Variants in MARK2 observed in about 807,000 individuals in gnomAD.
MARK2 encodes the protein serine/threonine-protein kinase MARK2.
Under a neutral mutation model 89.8 loss-of-function variants are expected in MARK2, and 16 were observed. That is an observed-to-expected ratio of 0.18 (90% CI 0.12 to 0.27). The LOEUF is 0.27. Among genes scored for constraint, MARK2 ranks in the 10% least tolerant of loss-of-function variants. The probability of loss-of-function intolerance (pLI) is 1.00; values close to 1 mark genes in which losing one functional copy is unlikely to be tolerated. For missense variants in MARK2, 621 were observed against 1,049.9 expected (o/e 0.59, Z 5.65); for synonymous variants, 382 against 399.5 (o/e 0.96, Z 0.52).
At chr11:63,849,063 G>C (rs1461037105) in intron 1 of MARK2, among the ~76,000 whole-genome samples, 1 of 152,036 alleles carries the variant, frequency 6.6e-6, no homozygotes, top group African/African-American at 2.4e-5. Context: ...AGTATGCAGT[G>C]GTGTGATCAT....
rs1378689760 is a variant in MARK2 at position 63,904,887 on chromosome 11, G to T, written c.1778G>T (p.Ser593Ile). 1 of 1,614,232 alleles carries T rather than the reference G, an allele frequency of 6.2e-7. No individual in the cohort carries two copies. Among genetic ancestry groups the T allele is most frequent in the Non-Finnish European group, 8.5e-7 (1 of 1,180,040 alleles). ...DRTNFPRGVS[S>I]RSTFHAGQLR... The stretch of plus-strand genomic sequence containing the variant: ...ACTAACTTCCCCCGGGGTGTGTCCA[G>T]CCGAAGCACCTTCCATGCTGGGCAG... The change falls in exon 16 of 19, where the codon AGC becomes ATC. Residue 593 changes from serine to isoleucine, a missense_variant. By Grantham distance (142) the Ser-to-Ile change is moderately radical (BLOSUM62 -2). Around this residue, in one of 5 missense-constraint regions of MARK2, gnomAD observed 397 missense variants for 567.8 expected, o/e 0.70. Transcript: ENST00000402010. This position sits in a 1 kb window ranked among gnomAD's most constrained non-coding sequence, Gnocchi z 6.3.
intron 1 of MARK2, among the ~76,000 whole-genome samples, chr11:63,846,904 C>A (rs1161221482): frequency 6.6e-6 from 1 of 152,206 alleles, no homozygotes; most frequent in Non-Finnish European, 1.5e-5. Flanking sequence ...GATCCACCCA[C>A]CTCGGCCTCC....
chr11:63,867,901 A>G (rs1433113377), intron 1 of MARK2, among the ~76,000 whole-genome samples: 2 of 152,156 alleles, frequency 1.3e-5, no homozygotes, highest in Non-Finnish European at 2.9e-5. Context: ...TAGGCTGACC[A>G]TAACTTCAGT....
intron 1 of MARK2, among the ~76,000 whole-genome samples, chr11:63,860,068 A>C (rs150591312): frequency 7.6e-4 from 116 of 152,328 alleles, no homozygotes; most frequent in Non-Finnish European, 1.5e-3. Context: ...ACAAGTCCTT[A>C]AGTGACAGGG....
chr11:63,906,977 C>A (rs1941392106), intron 17 of MARK2, among the ~76,000 whole-genome samples: 2 of 152,182 alleles, frequency 1.3e-5, no homozygotes, highest in Admixed American at 1.3e-4. Context: ...CGTAGCAAAA[C>A]AACAGGAGAT....
In MARK2 at chr11:63,909,709, CTCCCGTCAGG is replaced by C. The variant is rs1941627641; in HGVS notation, c.*473_*482del. ...ACACTCTCAGGCAAGAGTGGTGGAGCTCCCGTCAGGCCCTCCGCCAGGCCCACTGTGGGCT... is the reference window on the plus strand; with the variant it reads ...ACACTCTCAGGCAAGAGTGGTGGAGCCCCTCCGCCAGGCCCACTGTGGGCT... On this transcript the variant is annotated 3_prime_UTR_variant, in exon 19 of 19. Transcript: ENST00000402010. The C allele has an allele frequency of 6.5e-6, 1 of 152,826 alleles. No homozygotes were observed. The highest frequency in any genetic ancestry group is 1.5e-5 in the Non-Finnish European group (1 of 68,478). 9.5% of individuals were successfully genotyped at this position (152,826 alleles called of 1,614,324 possible).
chr11:63,871,497 CTG>C (rs1460081826), intron 1 of MARK2, among the ~76,000 whole-genome samples: 6 of 151,664 alleles, frequency 4.0e-5, no homozygotes, highest in Admixed American at 3.3e-4. Flanking sequence ...AGAGTATTCA[CTG>C]TGTGCAGGTG....
chr11:63,851,152 GGACTTT>G (rs2016555452), intron 1 of MARK2, among the ~76,000 whole-genome samples: 1 of 152,152 alleles, frequency 6.6e-6, no homozygotes, highest in African/African-American at 2.4e-5. Flanking sequence ...GGGAATTTGC[GGACTTT>G]GAATCTTGAG....
At chr11:63,901,102 C>G in intron 11 of MARK2, 33 bp downstream of exon 11, 1 of 1,418,050 alleles carries the variant, frequency 7.1e-7, no homozygotes, top group South Asian at 1.1e-5. Context: ...TCTGACCTGG[C>G]CAGCCTCACT....
intron 1 of MARK2, among the ~76,000 whole-genome samples, chr11:63,841,804 G>C (rs889829148): frequency 2.0e-5 from 3 of 152,218 alleles, no homozygotes; most frequent in African/African-American, 7.2e-5. Flanking sequence ...CTTACTACAT[G>C]TAAATGTATT....
At chr11:63,888,353 C>T (rs1055177111) in intron 1 of MARK2, among the ~76,000 whole-genome samples, 2 of 152,246 alleles carry the variant, frequency 1.3e-5, no homozygotes, top group Admixed American at 6.5e-5. Context: ...AGTCATCTGC[C>T]CCTACCCAGG....
chr11:63,898,352 C>A, intron 4 of MARK2, 72 bp downstream of exon 4: 1 of 1,445,130 alleles, frequency 6.9e-7, no homozygotes, highest in Non-Finnish European at 9.7e-7. Context: ...TCATCTTCTC[C>A]CCGAGGTGCA....
intron 17 of MARK2, among the ~76,000 whole-genome samples, chr11:63,906,762 C>T (rs1439997727): frequency 1.3e-5 from 2 of 151,842 alleles, no homozygotes; most frequent in Non-Finnish European, 2.9e-5. Flanking sequence ...TTTTGTCTCA[C>T]AAATGGAGCA....
intron 1 of MARK2, among the ~76,000 whole-genome samples, chr11:63,846,830 G>C (rs970631191): frequency 6.6e-6 from 1 of 151,856 alleles, no homozygotes; most frequent in African/African-American, 2.4e-5. Flanking sequence ...TAATTTTTTT[G>C]TATTTTCAGT....
chr11:63,904,277 G>A lies in MARK2; in HGVS notation c.1676+130G>A. Reference sequence around the variant, plus strand: ...CATCTTAGCCACAAGAAATGGGTCTGTCCCCTGCGGCCAGGAAGTGGAGGG... The same window carrying A: ...CATCTTAGCCACAAGAAATGGGTCTATCCCCTGCGGCCAGGAAGTGGAGGG... On this transcript the variant is annotated intron_variant, in intron 15 of 18. Transcript: ENST00000402010. The surrounding 1 kb of genome is among the most constrained non-coding windows in gnomAD (Gnocchi z 6.3). The A allele has an allele frequency of 6.4e-6, 5 of 775,748 alleles. No individual in the cohort carries two copies. The highest frequency in any genetic ancestry group is 3.8e-4 in the Middle Eastern group (1 of 2,628). The allele number at this position is 775,748 out of a possible 1,614,324, so 48.1% of individuals were successfully genotyped here. A position where few individuals can be genotyped will look rare whatever the true frequency, so the allele number is the denominator to read the frequency against.
chr11:63,876,115 G>A (rs1211455725), intron 1 of MARK2, among the ~76,000 whole-genome samples: 1 of 152,202 alleles, frequency 6.6e-6, no homozygotes, highest in Non-Finnish European at 1.5e-5. Flanking sequence ...GGATAAAATG[G>A]TTGAGCTGCT....
chr11:63,905,147 G>A (rs530759954), intron 16 of MARK2, 104 bp downstream of exon 16: 30 of 1,310,094 alleles, frequency 2.3e-5, no homozygotes, highest in South Asian at 5.4e-5. Context: ...ACTCTGTACC[G>A]GTATTGGGTC....
chr11:63,859,946 T>C (rs563795809), intron 1 of MARK2, among the ~76,000 whole-genome samples: 3 of 152,184 alleles, frequency 2.0e-5, no homozygotes, highest in Non-Finnish European at 4.4e-5. Flanking sequence ...CCTTGTTTCT[T>C]AATGAAACAT....
intron 1 of MARK2, among the ~76,000 whole-genome samples, chr11:63,893,891 T>G (rs1374413933): frequency 6.6e-6 from 1 of 152,238 alleles, no homozygotes; most frequent in African/African-American, 2.4e-5. Context: ...ATGTTTAGAC[T>G]TGGGTCCCAT....
Sources: allele counts gnomAD v4.1 joint callset (sites outside exome capture counted in the v4.1 genomes callset), GRCh38; gene constraint gnomAD v4.1.1; regional missense constraint gnomAD v4.1.1; non-coding constraint Gnocchi (gnomAD v3.1); transcripts MANE v1.5; gene names NCBI Gene and HGNC (gene_info 2026-07-23, HGNC 2026-07-21).